Variants in CELF2 observed in about 807,000 individuals in gnomAD.
CELF2 encodes the protein CUG triplet repeat RNA-binding protein 2.
Under a neutral mutation model 62.6 loss-of-function variants are expected in CELF2, and 8 were observed. That is an observed-to-expected ratio of 0.13 (90% CI 0.07 to 0.23). The LOEUF is 0.23. CELF2 is among the 10% of genes least tolerant of loss of function. The pLI, the probability that CELF2 is intolerant of heterozygous loss-of-function variation, is 1.00. For missense variants in CELF2, 333 were observed against 671.0 expected, an observed-to-expected ratio of 0.50 and a Z score of 5.56; for synonymous variants, 258 against 250.0, an observed-to-expected ratio of 1.03 and a Z score of -0.30.
At chr10:10,897,974 A>G (rs993745197) in intron 1 of CELF2, among the ~76,000 whole-genome samples, 2 of 152,206 alleles carry the variant, frequency 1.3e-5, no homozygotes, top group African/African-American at 4.8e-5. Flanking sequence ...AGGCCCAGAA[A>G]CAGTGACTGG....
In CELF2 at chr10:11,156,882, G is replaced by A. The variant is rs533091719; in HGVS notation, c.75-8604G>A. 6.6e-6 allele frequency among the ~76,000 whole-genome samples: 1 copy of A among 152,206 alleles called. No individual in the cohort carries two copies. The highest frequency in any genetic ancestry group is 1.5e-5 in the Non-Finnish European group (1 of 68,036). ...CCAGTATGAAAGACAGGGAAGATGA[G>A]CCTAAAAGCTGATTGGAGGAAAAGA... On this transcript the variant is annotated intron_variant, in intron 1 of 12. Transcript: ENST00000633077. The surrounding 1 kb of genome is among the most constrained non-coding windows in gnomAD (Gnocchi z 4.3).
the CELF2 span, among the ~76,000 whole-genome samples, chr10:10,670,942 T>C: frequency 1.3e-5 from 2 of 151,970 alleles, no homozygotes; most frequent in Non-Finnish European, 2.9e-5. Flanking sequence ...GCTGAGCAGG[T>C]GGATCACTTG....
intron 2 of CELF2, among the ~76,000 whole-genome samples, chr10:10,932,698 A>G (rs1328689847): frequency 7.8e-6 from 1 of 128,746 alleles, no homozygotes. Flanking sequence ...GTGTGTGTAT[A>G]TATATATGTA....
chr10:11,120,599 C>T (rs1488043518), intron 1 of CELF2, among the ~76,000 whole-genome samples: 1 of 152,180 alleles, frequency 6.6e-6, no homozygotes, highest in Non-Finnish European at 1.5e-5. Context: ...AGGGAGAGCA[C>T]TCTTGCCCTT....
chr10:10,906,780 G>A (rs1311016881), intron 1 of CELF2, among the ~76,000 whole-genome samples: 2 of 143,082 alleles, frequency 1.4e-5, no homozygotes, highest in East Asian at 2.1e-4. Flanking sequence ...GTGCGGGGGC[G>A]CAATCTCGGC....
chr10:11,049,558 T>TAAAA (rs368708381), intron 1 of CELF2, among the ~76,000 whole-genome samples: 11,170 of 96,470 alleles, frequency 0.12, 1,085 homozygotes, highest in East Asian at 0.57. Context: ...CTTTCTTTAG[T>TAAAA]AAAAAAAAAA....
At chr10:10,884,151 A>G (rs2061609390) in intron 1 of CELF2, among the ~76,000 whole-genome samples, 1 of 152,188 alleles carries the variant, frequency 6.6e-6, no homozygotes, top group African/African-American at 2.4e-5. Flanking sequence ...GAATAACACC[A>G]CGAAATAAAA....
intron 1 of CELF2, among the ~76,000 whole-genome samples, chr10:11,151,522 C>A (rs1026707517): frequency 6.6e-6 from 1 of 152,150 alleles, no homozygotes; most frequent in Admixed American, 6.5e-5. Context: ...GTTTTGAACT[C>A]TGGACTCTAC....
intron 4 of CELF2, among the ~76,000 whole-genome samples, chr10:11,249,674 TTC>T (rs2076581714): frequency 6.6e-6 from 1 of 152,228 alleles, no homozygotes; most frequent in South Asian, 2.1e-4. Context: ...TATTGTACTC[TTC>T]TCTAAATTGC....
the CELF2 span, among the ~76,000 whole-genome samples, chr10:10,463,508 T>A: frequency 6.6e-6 from 1 of 152,216 alleles, no homozygotes; most frequent in Non-Finnish European, 1.5e-5. Flanking sequence ...TAACTTTTGC[T>A]CATGTGAAAA....
In CELF2 at chr10:11,336,212, A is replaced by G. The variant is rs539035253; in HGVS notation, c.*7159A>G. The G allele has an allele frequency of 1.3e-5, 2 of 152,822 alleles. No individual in the cohort carries two copies. The highest frequency in any genetic ancestry group is 4.1e-4 in the South Asian group (2 of 4,826). 9.5% of individuals were successfully genotyped at this position (152,822 alleles called of 1,614,324 possible). A position where few individuals can be genotyped will look rare whatever the true frequency, so the allele number is the denominator to read the frequency against. ...ACTGTGAATCGTTCCTGATAAGTGA[A>G]TAAAACATTGTGACCAAACAATCAG... is the stretch of plus-strand genomic sequence containing the variant. On this transcript the variant is annotated 3_prime_UTR_variant, in exon 13 of 13. Coordinates refer to ENST00000633077, the MANE Select transcript of CELF2 (RefSeq NM_001326342.2). The surrounding 1 kb of genome is among the most constrained non-coding windows in gnomAD (Gnocchi z 5.4).
chr10:10,612,247 C>A, the CELF2 span, among the ~76,000 whole-genome samples: 1 of 152,122 alleles, frequency 6.6e-6, no homozygotes, highest in Non-Finnish European at 1.5e-5. Context: ...CAGATCCAGT[C>A]GTACATTCCA....
At chr10:11,126,749 G>T (rs184274215) in intron 1 of CELF2, among the ~76,000 whole-genome samples, 23 of 152,164 alleles carry the variant, frequency 1.5e-4, no homozygotes, top group African/African-American at 5.3e-4. Flanking sequence ...TACATTTCTG[G>T]TAGTTAGCAT....
intron 1 of CELF2, among the ~76,000 whole-genome samples, chr10:11,143,140 T>C (rs529668716): frequency 6.6e-6 from 1 of 152,348 alleles, no homozygotes; most frequent in African/African-American, 2.4e-5. Flanking sequence ...CCTGTTGTCC[T>C]CTTTTTCCTT....
chr10:10,504,140 T>C, the CELF2 span, among the ~76,000 whole-genome samples: 1 of 152,224 alleles, frequency 6.6e-6, no homozygotes, highest in South Asian at 2.1e-4. Context: ...GGAAATCCAG[T>C]TGTATTAACT....
chr10:10,572,015 A>G, the CELF2 span, among the ~76,000 whole-genome samples: 1 of 152,130 alleles, frequency 6.6e-6, no homozygotes, highest in Non-Finnish European at 1.5e-5. Context: ...GGGGCAGAGC[A>G]TGTTGTAAGA....
chr10:10,487,849 A>G, the CELF2 span, among the ~76,000 whole-genome samples: 1 of 152,184 alleles, frequency 6.6e-6, no homozygotes, highest in Non-Finnish European at 1.5e-5. Flanking sequence ...ATCTGTATCA[A>G]ATAGTTGAAC....
the CELF2 span, among the ~76,000 whole-genome samples, chr10:10,690,205 C>T: frequency 6.6e-6 from 1 of 152,070 alleles, no homozygotes; most frequent in African/African-American, 2.4e-5. Flanking sequence ...TTAGAAATTC[C>T]CAGAACTTTG....
chr10:10,720,614 C>T, the CELF2 span, among the ~76,000 whole-genome samples: 1 of 152,162 alleles, frequency 6.6e-6, no homozygotes, highest in Non-Finnish European at 1.5e-5. Context: ...ATAGCGAACG[C>T]TGACAAGATA....
Sources: gnomAD v4.1 joint callset for allele counts (sites outside exome capture counted in the v4.1 genomes callset) on GRCh38, gnomAD v4.1.1 for gene constraint, Gnocchi (gnomAD v3.1) non-coding constraint, MANE v1.5 for transcripts, NCBI Gene and HGNC (gene_info 2026-07-23, HGNC 2026-07-21) for gene names.